PKD1L1: variants seen among roughly 807,000 people sequenced by gnomAD.
PKD1L1 encodes polycystin-1-like protein 1.
In PKD1L1, 236 loss-of-function variants were observed where a neutral mutation model predicts 323.4. That is an observed-to-expected ratio of 0.73 (90% confidence interval 0.66 to 0.81). PKD1L1 has a LOEUF of 0.81. PKD1L1 is among the 40% of genes least tolerant of loss of function. The probability of loss-of-function intolerance (pLI) is 0.00; values close to 1 mark genes in which losing one functional copy is unlikely to be tolerated. For missense variants in PKD1L1, 3,320 were observed against 3,508.0 expected (o/e 0.95, Z 1.35); for synonymous variants, 1,344 against 1,335.0 (o/e 1.01, Z -0.15).
intron 56 of PKD1L1, among the ~76,000 whole-genome samples, chr7:47,780,596 C>A (rs1786669635): frequency 6.6e-6 from 1 of 151,542 alleles, no homozygotes; most frequent in African/African-American, 2.4e-5. Context: ...TGTACCACTG[C>A]ACTCCAGTCT....
At chr7:47,889,130 AG>A (rs1451063208) in intron 16 of PKD1L1, among the ~76,000 whole-genome samples, 1 of 152,090 alleles carries the variant, frequency 6.6e-6, no homozygotes, top group Non-Finnish European at 1.5e-5. Flanking sequence ...GTGGGTGCAC[AG>A]TGGGGTGATG....
chr7:47,930,955 G>T, intron 6 of PKD1L1, 149 bp downstream of exon 6: 1 of 840,138 alleles, frequency 1.2e-6, no homozygotes, highest in Non-Finnish European at 1.8e-6. Context: ...TATGTCTACA[G>T]CATTGTAACT....
rs746645353 is a variant in PKD1L1 at position 47,792,741 on chromosome 7, A to G, written c.8412T>C (p.Asn2804=). 2.5e-6 allele frequency: 4 copies of G among 1,613,998 alleles called. No homozygotes were observed. In the African/African-American group the frequency reaches 5.3e-5, roughly 22 times the overall value. The change falls in exon 56 of 57, where the codon AAT becomes AAC. Residue 2804 remains asparagine (N), a synonymous_variant. Transcript: ENST00000289672. ...GGAGTTGTAGGCTGTCGGACAAACC[A>G]TTAATCTTCATCAGAAGTTCGTCTA... is the stretch of plus-strand genomic sequence containing the variant. ...NLLDELLMKI[N]GLSDSLQLPL...
In PKD1L1 at chr7:47,843,086, A is replaced by C; in HGVS notation, c.5321T>G (p.Val1774Gly). ...YGFLVAKSRQ[V>G]DHHEKKKAGY... Reference sequence around the variant, plus strand: ...AGCTTTCTTTTTTTCATGATGATCTACTTGTCTACTTTTAGCGACCAAAAA... The same window carrying C: ...AGCTTTCTTTTTTTCATGATGATCTCCTTGTCTACTTTTAGCGACCAAAAA... The change falls in exon 34 of 57, where the codon GTA (valine) becomes GGA (glycine). Residue 1774 changes from valine (V) to glycine (G), a missense_variant. Transcript: ENST00000289672. The C allele has an allele frequency of 6.2e-7, 1 of 1,613,850 alleles. No individual in the cohort carries two copies. Among genetic ancestry groups the C allele is most frequent in the Non-Finnish European group, 8.5e-7 (1 of 1,179,814 alleles).
intron 19 of PKD1L1, 85 bp from the exon 20 acceptor site, chr7:47,882,170 A>G: frequency 7.2e-7 from 1 of 1,390,722 alleles, no homozygotes; most frequent in Admixed American, 2.0e-5. Flanking sequence ...GCTGATATTA[A>G]TAACTATTTG....
intron 23 of PKD1L1, among the ~76,000 whole-genome samples, chr7:47,875,827 T>C (rs758297767): frequency 2.6e-5 from 4 of 152,234 alleles, no homozygotes; most frequent in Non-Finnish European, 2.9e-5. Flanking sequence ...TTTAAATATT[T>C]AATTTATATA....
At chr7:47,828,947 G>A (rs1437230639) in intron 44 of PKD1L1, among the ~76,000 whole-genome samples, 3 of 152,204 alleles carry the variant, frequency 2.0e-5, no homozygotes, top group African/African-American at 7.2e-5. Context: ...GCGGTGGCCA[G>A]CAGACCTCTC....
chr7:47,863,787 C>T (rs1162162188), intron 26 of PKD1L1, among the ~76,000 whole-genome samples: 1 of 151,964 alleles, frequency 6.6e-6, no homozygotes, highest in East Asian at 1.9e-4. Context: ...ACTCAGAAGG[C>T]CGAGGTGGGA....
chr7:47,910,037 C>T (rs1787284436), intron 8 of PKD1L1, among the ~76,000 whole-genome samples: 1 of 152,192 alleles, frequency 6.6e-6, no homozygotes, highest in Non-Finnish European at 1.5e-5. Context: ...AGACAACATT[C>T]ATAACTCTAT....
In PKD1L1 at chr7:47,907,995, T is replaced by C. The variant is rs1472084183; in HGVS notation, c.1402+82A>G. On this transcript the variant is annotated intron_variant, in intron 9 of 56. Coordinates refer to ENST00000289672, the MANE Select transcript of PKD1L1 (RefSeq NM_138295.5). ...TATCAAATTTAGAACTGCTATAACT[T>C]GAACAGTATAAGTAAAGCGGAGATA... The C allele has an allele frequency of 4.4e-6, 6 of 1,371,466 alleles. No homozygotes were observed. The East Asian group carries it at 1.5e-4, about 33-fold the overall frequency. 85.0% of individuals were successfully genotyped at this position (1,371,466 alleles called of 1,614,324 possible).
rs751521259 is a variant in PKD1L1, at chr7:47,827,451, T to A, written c.6753A>T (p.Gln2251His). 6.2e-7 allele frequency: 1 copy of A among 1,609,840 alleles called. No individual in the cohort carries two copies. Among genetic ancestry groups the A allele is most frequent in the Non-Finnish European group, 8.5e-7 (1 of 1,179,076 alleles). The change falls in exon 45 of 57, where the codon CAA becomes CAT. Residue 2251 changes from glutamine to histidine, a missense_variant. Physicochemically the swap from Gln to His is conservative, Grantham distance 24. Coordinates refer to ENST00000289672, the MANE Select transcript of PKD1L1 (RefSeq NM_138295.5). ...GCGCCCAGCGCAGGTGGCGAGCTTG[T>A]TGTCGGGCAGCCAAGACCTGTCAGG... ...GEVEKVLAARQQARHLRWAHP... is the reference protein window; with the variant it reads ...GEVEKVLAARHQARHLRWAHP...
At chr7:47,784,178 G>A (rs529909593) in intron 56 of PKD1L1, among the ~76,000 whole-genome samples, 2 of 152,150 alleles carry the variant, frequency 1.3e-5, no homozygotes, top group South Asian at 2.1e-4. Context: ...AAGTCATCCC[G>A]GGAAGACTTA....
At chr7:47,940,783 T>C (rs1787970164) in intron 2 of PKD1L1, among the ~76,000 whole-genome samples, 1 of 152,132 alleles carries the variant, frequency 6.6e-6, no homozygotes, top group African/African-American at 2.4e-5. Flanking sequence ...GCCCTGATGG[T>C]AGCACGGACC....
At chr7:47,848,559 C>T (rs1785713268) in intron 31 of PKD1L1, among the ~76,000 whole-genome samples, 1 of 152,210 alleles carries the variant, frequency 6.6e-6, no homozygotes, top group Admixed American at 6.5e-5. Flanking sequence ...CCTGTAATCC[C>T]AGCACTTTGG....
chr7:47,953,950 G>C, the PKD1L1 span, among the ~76,000 whole-genome samples: 9 of 152,342 alleles, frequency 5.9e-5, no homozygotes, highest in Middle Eastern at 6.8e-3. Context: ...TCCTCCCCCA[G>C]AAGGCTTCAC....
chr7:47,940,608 G>A (rs1787966222), intron 2 of PKD1L1, among the ~76,000 whole-genome samples: 1 of 152,224 alleles, frequency 6.6e-6, no homozygotes, highest in Non-Finnish European at 1.5e-5. Context: ...ACACCCAGTG[G>A]TCTGGTCATA....
At position 47,866,711 on chromosome 7, in the gene PKD1L1, C is replaced by G. The variant is rs1385404126; in HGVS notation, c.3897-97G>C. 1.3e-5 allele frequency: 13 copies of G among 1,011,478 alleles called. No homozygotes were observed. In the South Asian group the frequency reaches 1.5e-4, roughly 11 times the overall value. The allele number at this position is 1,011,478 out of a possible 1,614,324, so 62.7% of individuals were successfully genotyped here. A position where few individuals can be genotyped will look rare whatever the true frequency, so the allele number is the denominator to read the frequency against. On this transcript the variant is annotated intron_variant, in intron 24 of 56. Coordinates refer to ENST00000289672, the MANE Select transcript of PKD1L1 (RefSeq NM_138295.5). ...TGGGATGGGATTTGTTGCAAAAATA[C>G]CTCTTGGACAGGGCAGGGTAGAAAG...
the PKD1L1 span, among the ~76,000 whole-genome samples, chr7:47,955,999 C>T: frequency 2.0e-5 from 3 of 152,156 alleles, no homozygotes; most frequent in East Asian, 1.9e-4. Context: ...GTACAGAATT[C>T]GAGAGTGACA....
intron 10 of PKD1L1, among the ~76,000 whole-genome samples, 165 bp from the exon 11 acceptor site, chr7:47,905,490 G>A (rs932948096): frequency 1.3e-5 from 2 of 152,242 alleles, no homozygotes; most frequent in African/African-American, 4.8e-5. Context: ...TGGGCACGCG[G>A]TAGGCAGTGC....
Sources: allele counts gnomAD v4.1 joint callset (sites outside exome capture counted in the v4.1 genomes callset), GRCh38; gene constraint gnomAD v4.1.1; transcripts MANE v1.5; gene names NCBI Gene and HGNC (gene_info 2026-07-23, HGNC 2026-07-21).